Variants in RAD51B observed in about 807,000 individuals in gnomAD.
The protein encoded by RAD51B is DNA repair protein RAD51 homolog 2.
A neutral mutation model predicts 42.2 loss-of-function variants in RAD51B; 38 were observed. The ratio of observed to expected loss-of-function variants is 0.90; its 90% CI spans 0.70 to 1.18. The LOEUF (loss-of-function observed/expected upper bound fraction) is 1.18. RAD51B is among the 50% of genes most tolerant of loss of function. RAD51B has a pLI of 0.00. For synonymous variants in RAD51B, 154 were observed against 145.2 expected, an observed-to-expected ratio of 1.06 and a Z score of -0.43; for missense variants, 373 against 400.7, an observed-to-expected ratio of 0.93 and a Z score of 0.59.
rs1450594151 is a variant in RAD51B at position 67,870,140 on chromosome 14, C to T, written c.452+5001C>T. Reference sequence around the variant, plus strand: ...GCTCCAATTAAAAGACACAGACTGGCAAATTGGATAAAGAGTCAAGACCCA... The same window carrying T: ...GCTCCAATTAAAAGACACAGACTGGTAAATTGGATAAAGAGTCAAGACCCA... On this transcript the variant is annotated intron_variant, in intron 5 of 10. Coordinates refer to ENST00000471583, the MANE Select transcript of RAD51B (RefSeq NM_133510.4). Among the ~76,000 whole-genome samples the T allele has an allele frequency of 8.0e-5, 12 of 149,652 alleles. 1 individual carries two copies. In the South Asian group the frequency reaches 2.1e-3, roughly 27 times the overall value.
intron 9 of RAD51B, among the ~76,000 whole-genome samples, chr14:68,440,560 C>T (rs1372035677): frequency 1.3e-5 from 2 of 152,134 alleles, no homozygotes; most frequent in Non-Finnish European, 2.9e-5. Context: ...GCCTGGCCAA[C>T]ATGGTGAAAC....
At chr14:67,898,144 T>A (rs1595078259) in intron 7 of RAD51B, among the ~76,000 whole-genome samples, 1 of 152,216 alleles carries the variant, frequency 6.6e-6, no homozygotes, top group Non-Finnish European at 1.5e-5. Context: ...GTAGGATTAT[T>A]CCCAATAGCT....
intron 7 of RAD51B, among the ~76,000 whole-genome samples, chr14:68,205,057 A>G (rs2079558837): frequency 6.6e-6 from 1 of 152,196 alleles, no homozygotes; most frequent in Admixed American, 6.5e-5. Context: ...GTGGTTATAT[A>G]TACTCTGAGA....
At chr14:68,267,813 T>C (rs2081022544) in intron 7 of RAD51B, among the ~76,000 whole-genome samples, 1 of 152,250 alleles carries the variant, frequency 6.6e-6, no homozygotes, top group Non-Finnish European at 1.5e-5. Flanking sequence ...AAAATGTTAG[T>C]GGCTGCTGTT....
chr14:68,141,503 A>G (rs1311713484), intron 7 of RAD51B, among the ~76,000 whole-genome samples: 2 of 152,244 alleles, frequency 1.3e-5, no homozygotes, highest in African/African-American at 2.4e-5. Context: ...CATCTGCTAC[A>G]GCACTAGCAA....
rs552736857 is a variant in RAD51B at position 68,426,765 on chromosome 14, A to G, written c.957+15238A>G. 2.0e-5 allele frequency among the ~76,000 whole-genome samples: 3 copies of G among 152,364 alleles called. 1 individual carries two copies. In the South Asian group the frequency reaches 6.2e-4, roughly 32 times the overall value. On this transcript the variant is annotated intron_variant, in intron 9 of 10. Transcript: ENST00000471583. ...ATTTGATAAGGAGATTAGTATGAATAGAAGAAAGCCAGATACTATTCATCA... is the reference window on the plus strand; with the variant it reads ...ATTTGATAAGGAGATTAGTATGAATGGAAGAAAGCCAGATACTATTCATCA...
At position 68,583,800 on chromosome 14, in the gene RAD51B, C is replaced by A. The variant is rs530831670; in HGVS notation, c.1037-10685C>A. Among the ~76,000 whole-genome samples the A allele has an allele frequency of 3.9e-5, 6 of 152,310 alleles. No individual in the cohort carries two copies. In the East Asian group the frequency reaches 1.2e-3, roughly 29 times the overall value. ...CTTGGGCTTAGGCTCAGGGAATTGA[C>A]CAGGGAACTCCAGGATCAGAATGCA... On this transcript the variant is annotated intron_variant, in intron 10 of 10. Transcript: ENST00000487270.
At chr14:68,616,943 C>T (rs1210387006) in intron 10 of RAD51B, among the ~76,000 whole-genome samples, 1 of 152,006 alleles carries the variant, frequency 6.6e-6, no homozygotes, top group Non-Finnish European at 1.5e-5. Context: ...GAAGTGCATT[C>T]TTTCCTCATT....
At chr14:67,893,459 C>G (rs1056011579) in intron 7 of RAD51B, among the ~76,000 whole-genome samples, 10 of 118,742 alleles carry the variant, frequency 8.4e-5, no homozygotes, top group African/African-American at 3.4e-4. Context: ...CTCACACACA[C>G]AGACACAGAC....
intron 10 of RAD51B, among the ~76,000 whole-genome samples, chr14:68,648,128 C>A: frequency 9.8e-6 from 1 of 101,710 alleles, no homozygotes; most frequent in Non-Finnish European, 2.0e-5. Flanking sequence ...TATATATACA[C>A]ACACGTATAT....
intron 10 of RAD51B, among the ~76,000 whole-genome samples, chr14:68,530,599 A>G (rs1277981256): frequency 6.6e-6 from 1 of 152,090 alleles, no homozygotes; most frequent in Non-Finnish European, 1.5e-5. Flanking sequence ...AGTATCTTCA[A>G]ATATCTGAAA....
intron 7 of RAD51B, among the ~76,000 whole-genome samples, chr14:68,212,781 T>G (rs1039016809): frequency 1.3e-5 from 2 of 152,216 alleles, no homozygotes; most frequent in Non-Finnish European, 2.9e-5. Flanking sequence ...AAAAATGTGA[T>G]TATTAGGAGT....
intron 7 of RAD51B, among the ~76,000 whole-genome samples, chr14:68,006,629 A>T (rs1420528487): frequency 6.6e-6 from 1 of 152,080 alleles, no homozygotes; most frequent in Non-Finnish European, 1.5e-5. Flanking sequence ...ATTTCATTAT[A>T]TAAGGAGTGC....
At chr14:68,067,599 A>C (rs1334359799) in intron 7 of RAD51B, among the ~76,000 whole-genome samples, 2 of 152,180 alleles carry the variant, frequency 1.3e-5, no homozygotes, top group Non-Finnish European at 2.9e-5. Flanking sequence ...CAAAGAAGGC[A>C]TGATCCTTGT....
intron 7 of RAD51B, among the ~76,000 whole-genome samples, chr14:68,149,115 G>T (rs1181312274): frequency 6.6e-6 from 1 of 152,116 alleles, no homozygotes; most frequent in Non-Finnish European, 1.5e-5. Flanking sequence ...TCCTTTATCA[G>T]ATAGGTGTTT....
At position 68,564,049 on chromosome 14, in the gene RAD51B, A is replaced by C. The variant is rs1566938951; in HGVS notation, c.1037-30436A>C. 9.7e-6 allele frequency: 6 copies of C among 617,894 alleles called. No homozygotes were observed. The South Asian group carries it at 3.6e-4, about 37-fold the overall frequency. 38.3% of individuals were successfully genotyped at this position (617,894 alleles called of 1,614,324 possible). Reference sequence around the variant, plus strand: ...CAGCTGGCCGCACTAGAGGGCCTGCATGGGCTGGGGGAGGCTGGGGTTATT... The same window carrying C: ...CAGCTGGCCGCACTAGAGGGCCTGCCTGGGCTGGGGGAGGCTGGGGTTATT... On this transcript the variant is annotated intron_variant, in intron 10 of 10. Transcript: ENST00000487270.
At chr14:68,324,832 T>G (rs2082220181) in intron 8 of RAD51B, among the ~76,000 whole-genome samples, 1 of 152,196 alleles carries the variant, frequency 6.6e-6, no homozygotes, top group Non-Finnish European at 1.5e-5. Context: ...GTAGTGCTGA[T>G]GCTCACCCCC....
intron 7 of RAD51B, among the ~76,000 whole-genome samples, chr14:68,179,995 G>T (rs1266816141): frequency 6.6e-6 from 1 of 152,092 alleles, no homozygotes; most frequent in African/African-American, 2.4e-5. Context: ...ATTTGTGTAT[G>T]GGGGGAGAGG....
intron 4 of RAD51B, among the ~76,000 whole-genome samples, chr14:67,864,042 GGA>G (rs761735329): frequency 4.6e-5 from 7 of 150,632 alleles, no homozygotes; most frequent in Non-Finnish European, 1.0e-4. Flanking sequence ...TGGCAGAACA[GGA>G]GAGAGAGAGA....
Sources: gnomAD v4.1 joint callset for allele counts (sites outside exome capture counted in the v4.1 genomes callset) on GRCh38, gnomAD v4.1.1 for gene constraint, MANE v1.5 for transcripts, NCBI Gene and HGNC (gene_info 2026-07-23, HGNC 2026-07-21) for gene names.